RNF6: variants seen among roughly 807,000 people sequenced by gnomAD.
The protein encoded by RNF6 is ring finger protein 6.
A neutral mutation model predicts 50.1 loss-of-function variants in RNF6; 21 were observed. The observed-to-expected ratio is 0.42, with a 90% CI of 0.30 to 0.60. The LOEUF (loss-of-function observed/expected upper bound fraction) is 0.60, where lower values mean the gene tolerates loss of function less well. Among genes scored for constraint, RNF6 ranks in the 20% least tolerant of loss-of-function variants. RNF6 has a pLI of 0.20. For synonymous variants in RNF6, 255 were observed against 291.8 expected, an observed-to-expected ratio of 0.87 and a Z score of 1.29; for missense variants, 698 against 838.2, an observed-to-expected ratio of 0.83 and a Z score of 2.07.
intron 5 of RNF6, among the ~76,000 whole-genome samples, chr13:26,187,147 T>G (rs1414737230): frequency 2.7e-5 from 1 of 37,538 alleles, no homozygotes; most frequent in Non-Finnish European, 9.9e-5. Context: ...GCTTCCTGTT[T>G]CTGCCATCAG....
At chr13:26,208,802 T>A (rs1378222642), downstream of RNF6, among the ~76,000 whole-genome samples, 1 of 152,168 alleles carries the variant, frequency 6.6e-6, no homozygotes, top group African/African-American at 2.4e-5. Context: ...AAAATGAAGA[T>A]GCCTTCTATC....
At chr13:26,182,102 C>T (rs1299834185) in intron 5 of RNF6, among the ~76,000 whole-genome samples, 1 of 152,138 alleles carries the variant, frequency 6.6e-6, no homozygotes, top group African/African-American at 2.4e-5. Context: ...ACACGTATCT[C>T]CAGAAGTTTT....
At chr13:26,159,686 G>T (rs1872109597) in intron 5 of RNF6, among the ~76,000 whole-genome samples, 2 of 151,906 alleles carry the variant, frequency 1.3e-5, no homozygotes, top group Non-Finnish European at 2.9e-5. Flanking sequence ...TTCCATTTAG[G>T]CTAAGTATCT....
At chr13:26,189,634 A>T (rs575757286) in intron 5 of RNF6, among the ~76,000 whole-genome samples, 30 of 152,326 alleles carry the variant, frequency 2.0e-4, no homozygotes, top group African/African-American at 6.7e-4. Flanking sequence ...GTAGAAAGTG[A>T]TTTAGCTTCA....
intron 5 of RNF6, among the ~76,000 whole-genome samples, chr13:26,156,545 C>A (rs528623133): frequency 1.3e-5 from 2 of 152,212 alleles, no homozygotes; most frequent in African/African-American, 2.4e-5. Context: ...TGTTATCAAA[C>A]CCTGTACCCT....
rs112776933 is a variant in RNF6, at chr13:26,177,062, G to A, written n.768+38412C>T. Among the ~76,000 whole-genome samples, 905 of 152,268 alleles carry A rather than the reference G, an allele frequency of 5.9e-3. 9 individuals are homozygous for A. Among genetic ancestry groups the A allele is most frequent in the African/African-American group, 0.021 (854 of 41,544 alleles). On this transcript the variant is annotated intron_variant and non_coding_transcript_variant, in intron 5 of 5. Transcript: ENST00000468480. ...GTCTACAAGCCAAGAAGGAAAGATCGGCGGGGACCACCAGAGCTAGGAAAA... is the reference window on the plus strand; with the variant it reads ...GTCTACAAGCCAAGAAGGAAAGATCAGCGGGGACCACCAGAGCTAGGAAAA...
intron 5 of RNF6, among the ~76,000 whole-genome samples, chr13:26,133,573 T>C (rs889589781): frequency 6.6e-6 from 1 of 152,212 alleles, no homozygotes; most frequent in African/African-American, 2.4e-5. Context: ...TTCAGTCCAC[T>C]GATTCTTTCT....
intron 5 of RNF6, among the ~76,000 whole-genome samples, chr13:26,173,131 A>G (rs377203452): frequency 2.6e-5 from 4 of 152,364 alleles, no homozygotes; most frequent in Admixed American, 6.5e-5. Context: ...CAGAGTACAC[A>G]TAAGAGTATA....
At chr13:26,177,138 AC>A (rs955664180) in intron 5 of RNF6, among the ~76,000 whole-genome samples, 2 of 152,138 alleles carry the variant, frequency 1.3e-5, no homozygotes, top group Non-Finnish European at 2.9e-5. Context: ...AACCTCTGAC[AC>A]CTTAATCTTG....
chr13:26,183,714 A>G (rs1197825046), intron 5 of RNF6, among the ~76,000 whole-genome samples: 2 of 152,024 alleles, frequency 1.3e-5, no homozygotes. Flanking sequence ...TGAATTATTT[A>G]TATATACAAT....
At position 26,215,169 on chromosome 13, in the gene RNF6, C is replaced by T. The variant is rs1030154249; in HGVS notation, c.713G>A (p.Gly238Glu). The part of the protein sequence containing the change: ...SFSTLGRLRN[G>E]IGGAAGIPRA... ...AGGAATGCCAGCTGCTCCCCCAATT[C>T]CATTTCTTAACCTTCCCAATGTTGA... Residue 238 changes from glycine to glutamate, a missense_variant, in exon 5 of 5, where the codon GGA (glycine) becomes GAA (glutamate). Coordinates refer to ENST00000381588, the MANE Select transcript of RNF6 (RefSeq NM_005977.4). The T allele has an allele frequency of 1.9e-6, 3 of 1,614,076 alleles. No homozygotes were observed. Among genetic ancestry groups the T allele is most frequent in the African/African-American group, 2.7e-5 (2 of 74,926 alleles).
intron 5 of RNF6, chr13:26,135,430 G>A (rs902136599): frequency 6.6e-6 from 1 of 152,058 alleles, no homozygotes; most frequent in African/African-American, 2.4e-5. Flanking sequence ...CAATAGTGCT[G>A]AGATAATTTT....
chr13:26,190,164 C>T (rs1459261789), intron 5 of RNF6, among the ~76,000 whole-genome samples: 1 of 152,192 alleles, frequency 6.6e-6, no homozygotes, highest in Non-Finnish European at 1.5e-5. Context: ...TCAAAGCCAG[C>T]AATGTTGCAT....
At chr13:26,204,178 C>G (rs913307797) in intron 5 of RNF6, among the ~76,000 whole-genome samples, 7 of 151,972 alleles carry the variant, frequency 4.6e-5, no homozygotes, top group East Asian at 1.9e-4. Context: ...GAGACCCAAA[C>G]TGACAAAATA....
chr13:26,146,419 A>G (rs995149117), intron 5 of RNF6, among the ~76,000 whole-genome samples: 1 of 152,166 alleles, frequency 6.6e-6, no homozygotes, highest in Non-Finnish European at 1.5e-5. Context: ...TAGGTTTCCA[A>G]TTAAGTGGTC....
chr13:26,199,913 G>A (rs1272350203), intron 5 of RNF6, among the ~76,000 whole-genome samples: 7 of 152,074 alleles, frequency 4.6e-5, no homozygotes, highest in Non-Finnish European at 1.0e-4. Flanking sequence ...AGGCCATGAA[G>A]GTGGAGCCCC....
At chr13:26,180,611 C>T (rs1204753055) in intron 5 of RNF6, among the ~76,000 whole-genome samples, 1 of 152,206 alleles carries the variant, frequency 6.6e-6, no homozygotes, top group Non-Finnish European at 1.5e-5. Context: ...TGGACCTTGC[C>T]ATACCATTGC....
intron 5 of RNF6, among the ~76,000 whole-genome samples, chr13:26,175,979 G>T (rs1363652211): frequency 6.6e-6 from 1 of 152,130 alleles, no homozygotes; most frequent in Non-Finnish European, 1.5e-5. Flanking sequence ...GGAAAGCCAG[G>T]AGTGAACTTG....
intron 5 of RNF6, among the ~76,000 whole-genome samples, chr13:26,165,258 G>T (rs1872393317): frequency 2.0e-5 from 3 of 152,252 alleles, no homozygotes; most frequent in African/African-American, 7.2e-5. Flanking sequence ...GTGCACCGAA[G>T]TCAAGAATTG....
Sources: gnomAD v4.1 joint callset for allele counts (sites outside exome capture counted in the v4.1 genomes callset) on GRCh38, gnomAD v4.1.1 for gene constraint, MANE v1.5 for transcripts, NCBI Gene and HGNC (gene_info 2026-07-23, HGNC 2026-07-21) for gene names.